ZRANB3: variants seen among roughly 807,000 people sequenced by gnomAD.
ZRANB3 encodes the protein zinc finger RANBP2-type containing 3.
ZRANB3 carries 125 observed loss-of-function variants against 133.8 expected under a neutral mutation model. That is an observed-to-expected ratio of 0.93 (90% CI 0.81 to 1.08). The LOEUF is 1.08. ZRANB3 is among the 50% of genes least tolerant of loss of function. The pLI is 0.00. For synonymous variants in ZRANB3, 387 were observed against 432.7 expected (o/e 0.89, Z 1.31); for missense variants, 1,229 against 1,275.5 (o/e 0.96, Z 0.56).
chr2:135,240,340 A>G (rs1185537065), intron 12 of ZRANB3, among the ~76,000 whole-genome samples: 1 of 152,232 alleles, frequency 6.6e-6, no homozygotes, highest in Non-Finnish European at 1.5e-5. Context: ...CAAAGAAACA[A>G]ATAGAATTAA....
intron 20 of ZRANB3, 94 bp from the exon 21 acceptor site, chr2:135,200,534 T>C (rs1203967433): frequency 7.1e-6 from 7 of 987,184 alleles, no homozygotes; most frequent in Non-Finnish European, 1.1e-5. Flanking sequence ...TTGGAAAATC[T>C]ACAGTCACTA....
In ZRANB3 at chr2:135,350,067, T is replaced by C; in HGVS notation, c.508A>G (p.Ser170Gly). Reference sequence around the variant, plus strand: ...TGTACTATTGGCAATAAAATCCTGCTGCGAGTTGCATTTCTGGATTTCATG... The same window carrying C: ...TGTACTATTGGCAATAAAATCCTGCCGCGAGTTGCATTTCTGGATTTCATG... ...HYMKSRNATR[S>G]RILLPIVQKA... The change falls in exon 5 of 21, where the codon AGC (serine) becomes GGC (glycine). Residue 170 changes from serine (S) to glycine (G), a missense_variant. Physicochemically the swap from Ser to Gly is moderately conservative, Grantham distance 56. Coordinates refer to ENST00000264159, the MANE Select transcript of ZRANB3 (RefSeq NM_032143.4). 1 of 1,613,890 alleles carries C rather than the reference T, an allele frequency of 6.2e-7. No homozygotes were observed. The highest frequency in any genetic ancestry group is 1.1e-5 in the South Asian group (1 of 91,082).
At chr2:135,520,084 T>G (rs1251308465) in intron 1 of ZRANB3, among the ~76,000 whole-genome samples, 1 of 85,740 alleles carries the variant, frequency 1.2e-5, no homozygotes, top group Non-Finnish European at 1.8e-5. Flanking sequence ...CTTAAATTCT[T>G]TTTTTTTTTT....
chr2:135,266,499 G>A (rs1268180719), intron 11 of ZRANB3, among the ~76,000 whole-genome samples: 2 of 152,096 alleles, frequency 1.3e-5, no homozygotes. Context: ...AGGAGCGGTG[G>A]CTCATGCCTG....
intron 5 of ZRANB3, among the ~76,000 whole-genome samples, chr2:135,347,916 T>TA (rs1685017417): frequency 6.6e-6 from 1 of 151,962 alleles, no homozygotes. Flanking sequence ...ACTGGAAAAG[T>TA]AAGAGCAAAC....
At chr2:135,492,343 G>A (rs1279670066) in intron 2 of ZRANB3, among the ~76,000 whole-genome samples, 1 of 152,136 alleles carries the variant, frequency 6.6e-6, no homozygotes, top group African/African-American at 2.4e-5. Flanking sequence ...TAAAAAGATG[G>A]TTAAAGGCAT....
intron 3 of ZRANB3, among the ~76,000 whole-genome samples, chr2:135,359,258 C>G (rs566530803): frequency 6.6e-6 from 1 of 152,184 alleles, no homozygotes; most frequent in South Asian, 2.1e-4. Flanking sequence ...TAAAACATCT[C>G]AGGATTTGAT....
chr2:135,517,530 CT>C (rs1693750694), intron 1 of ZRANB3, among the ~76,000 whole-genome samples: 1 of 152,228 alleles, frequency 6.6e-6, no homozygotes, highest in Admixed American at 6.5e-5. Flanking sequence ...AGTCAGGCCC[CT>C]CTGCTGCAGG....
chr2:135,405,645 T>G (rs1687979170), intron 2 of ZRANB3, among the ~76,000 whole-genome samples: 1 of 152,162 alleles, frequency 6.6e-6, no homozygotes, highest in South Asian at 2.1e-4. Context: ...GCAATCAAAC[T>G]AGAACTCAGG....
At chr2:135,306,880 G>A (rs1682733308) in intron 8 of ZRANB3, among the ~76,000 whole-genome samples, 1 of 151,814 alleles carries the variant, frequency 6.6e-6, no homozygotes, top group Admixed American at 6.6e-5. Context: ...ATCAGCCACT[G>A]TACCCAGCTT....
At position 135,381,219 on chromosome 2, in the gene ZRANB3, G is replaced by A. The variant is rs550073329; in HGVS notation, c.180+9583C>T. Reference sequence around the variant, plus strand: ...GGAGATTATATCCCATGCCTGGCTCGCAGGGTCCTACGCCCACGGAGCCTA... The same window carrying A: ...GGAGATTATATCCCATGCCTGGCTCACAGGGTCCTACGCCCACGGAGCCTA... On this transcript the variant is annotated intron_variant, in intron 3 of 20. Transcript: ENST00000264159. Among the ~76,000 whole-genome samples, 70 of 152,258 alleles carry A rather than the reference G, an allele frequency of 4.6e-4. 1 individual carries two copies. The South Asian group carries it at 8.5e-3, about 19-fold the overall frequency.
At chr2:135,202,668 G>A (rs879187097) in intron 20 of ZRANB3, 164 bp downstream of exon 20, 10 of 709,026 alleles carry the variant, frequency 1.4e-5, no homozygotes, top group East Asian at 6.5e-5. Context: ...TCTGTGACAC[G>A]GGCCTTGAGA....
chr2:135,248,570 C>T (rs1434362815), intron 12 of ZRANB3, among the ~76,000 whole-genome samples: 1 of 152,072 alleles, frequency 6.6e-6, no homozygotes, highest in Admixed American at 6.6e-5. Context: ...CTATAAGAAA[C>T]TTAAACAAAT....
chr2:135,230,772 G>A lies in ZRANB3; in HGVS notation c.1695C>T (p.Ile565=), dbSNP rs964573511. 8.7e-6 allele frequency: 14 copies of A among 1,613,628 alleles called. No homozygotes were observed. Among genetic ancestry groups the A allele is most frequent in the Middle Eastern group, 1.6e-4 (1 of 6,084 alleles). Residue 565 remains isoleucine (I), a synonymous_variant, in exon 13 of 21, where the codon ATC becomes ATT. Coordinates refer to ENST00000264159, the MANE Select transcript of ZRANB3 (RefSeq NM_032143.4). ...DPTKTAARDI[I]DYESDVEPET... ...CAGGTTCAACATCACTTTCATAATCGATGATATCTCTTGCAGCTGTTTTTG... is the reference window on the plus strand; with the variant it reads ...CAGGTTCAACATCACTTTCATAATCAATGATATCTCTTGCAGCTGTTTTTG...
At chr2:135,327,693 GTTCCAAATACAGCTTAACCT>G (rs1279458432) in intron 6 of ZRANB3, among the ~76,000 whole-genome samples, 3 of 152,038 alleles carry the variant, frequency 2.0e-5, no homozygotes, top group Non-Finnish European at 4.4e-5. Flanking sequence ...TTACTTAACC[GTTCCAAATACAGCTTAACCT>G]TTCCAAATAC....
Position 135,275,687 on chromosome 2 carries a change from A to G in ZRANB3, c.1035T>C (p.Ala345=), listed in dbSNP as rs1407516039. 6.2e-7 allele frequency: 1 copy of G among 1,608,592 alleles called. No homozygotes were observed. Among genetic ancestry groups the G allele is most frequent in the Non-Finnish European group, 8.5e-7 (1 of 1,177,036 alleles). ...QNDSLKFLVF[A]HHLSMLQACT... is the part of the protein sequence containing the mutation. The stretch of plus-strand genomic sequence containing the variant: ...AAGCTTGGAGCATGCTTAAATGGTG[A>G]GCAAAAACCAGAAATTTAAGCGAAT... The change falls in exon 9 of 21, where the codon GCT becomes GCC. Residue 345 remains alanine (A), a synonymous_variant. Coordinates refer to ENST00000264159, the MANE Select transcript of ZRANB3 (RefSeq NM_032143.4).
At chr2:135,323,042 C>T (rs1683618125) in intron 6 of ZRANB3, among the ~76,000 whole-genome samples, 1 of 151,710 alleles carries the variant, frequency 6.6e-6, no homozygotes, top group African/African-American at 2.4e-5. Context: ...TTTAGTCTCC[C>T]TGTCCACAAA....
chr2:135,521,527 C>T (rs755166826), intron 1 of ZRANB3, among the ~76,000 whole-genome samples: 2 of 152,008 alleles, frequency 1.3e-5, no homozygotes, highest in Non-Finnish European at 2.9e-5. Flanking sequence ...GAGCAAACTT[C>T]GTCTCAAAAA....
intron 8 of ZRANB3, among the ~76,000 whole-genome samples, chr2:135,312,917 G>A (rs1174238673): frequency 6.6e-6 from 1 of 151,780 alleles, no homozygotes; most frequent in African/African-American, 2.4e-5. Flanking sequence ...CTACTTGGGA[G>A]GCTGAGGAAG....
Sources: allele counts gnomAD v4.1 joint callset (sites outside exome capture counted in the v4.1 genomes callset), GRCh38; gene constraint gnomAD v4.1.1; transcripts MANE v1.5; gene names NCBI Gene and HGNC (gene_info 2026-07-23, HGNC 2026-07-21).